Variants in PXMP4 observed in about 807,000 individuals in gnomAD.
The protein encoded by PXMP4 is peroxisomal membrane protein 4, also known as 24 kDa peroxisomal intrinsic membrane protein.
Under a neutral mutation model 21.6 loss-of-function variants are expected in PXMP4, and 16 were observed. That is an observed-to-expected ratio of 0.74 (90% CI 0.50 to 1.13). The LOEUF is 1.13. Among genes scored for constraint, PXMP4 ranks in the 50% most tolerant of loss-of-function variants. The pLI, the probability that PXMP4 is intolerant of heterozygous loss-of-function variation, is 0.00. For synonymous variants in PXMP4, 127 were observed against 123.8 expected (o/e 1.03, Z -0.17); for missense variants, 240 against 277.7 (o/e 0.86, Z 0.96).
At position 33,707,663 on chromosome 20, in the gene PXMP4, T is replaced by A; in HGVS notation, c.*43A>T. On this transcript the variant is annotated 3_prime_UTR_variant, in exon 4 of 4. Coordinates refer to ENST00000409299, the MANE Select transcript of PXMP4 (RefSeq NM_007238.5). ...GCAGTATCCTTTGGGAGGGTCTGCA[T>A]GGGGCCAAATCTTGAGCCACAGCCA... 6.3e-7 allele frequency: 1 copy of A among 1,599,708 alleles called. No individual in the cohort carries two copies.
Position 33,710,732 on chromosome 20 carries a change from G to A in PXMP4, c.198C>T (p.Ala66=), listed in dbSNP as rs2018317905. The A allele has an allele frequency of 1.9e-6, 3 of 1,610,396 alleles. No individual in the cohort carries two copies. The highest frequency in any genetic ancestry group is 2.2e-5 in the East Asian group (1 of 44,802). ...RNGSLQEKLW[A]ILQATYIHSW... ...AGTGGATATATGTGGCCTGCAGTAT[G>A]GCCCACAGCTTCTCCTGGAGGCTGC... Residue 66 remains alanine (A), a synonymous_variant, in exon 3 of 4, where the codon GCC becomes GCT. Coordinates refer to ENST00000409299, the MANE Select transcript of PXMP4 (RefSeq NM_007238.5).
At position 33,707,457 on chromosome 20, in the gene PXMP4, C is replaced by T. The variant is rs1640496969; in HGVS notation, c.*249G>A. 1.2e-5 allele frequency: 6 copies of T among 509,096 alleles called. No individual in the cohort carries two copies. The highest frequency in any genetic ancestry group is 6.9e-5 in the South Asian group (3 of 43,564). The allele number at this position is 509,096 out of a possible 1,614,324, so 31.5% of individuals were successfully genotyped here. On this transcript the variant is annotated 3_prime_UTR_variant, in exon 4 of 4. Coordinates refer to ENST00000409299, the MANE Select transcript of PXMP4 (RefSeq NM_007238.5). Reference sequence around the variant, plus strand: ...AGGCCTAGAGAGTAGTGTGGCTGGCCCCAGTCTCACAGAAGTCAGCTGCAC... The same window carrying T: ...AGGCCTAGAGAGTAGTGTGGCTGGCTCCAGTCTCACAGAAGTCAGCTGCAC...
chr20:33,720,233 G>T lies in PXMP4; in HGVS notation c.-26C>A, dbSNP rs750433333. ...AGTGCGGGCTGCGCGCAGGGTCGGG[G>T]TTAGGAACTGTAAGCGCACTGACAG... On this transcript the variant is annotated 5_prime_UTR_variant, in exon 1 of 4. Coordinates refer to ENST00000409299, the MANE Select transcript of PXMP4 (RefSeq NM_007238.5). The T allele has an allele frequency of 1.3e-6, 2 of 1,585,200 alleles. No individual in the cohort carries two copies. Among genetic ancestry groups the T allele is most frequent in the Non-Finnish European group, 1.7e-6 (2 of 1,163,928 alleles).
In PXMP4 at chr20:33,707,883, G is replaced by T; in HGVS notation, c.462C>A (p.Asp154Glu). ...CCACCGCAGTGAGCAGCGGGAACGG[G>T]TCCCACCTGGGTTCAGGGATGTAGC... Reference protein sequence around the residue: ...EKGYIPEPRWDPFPLLTAVVW... With the variant: ...EKGYIPEPRWEPFPLLTAVVW... Residue 154 changes from aspartate to glutamate, a missense_variant, in exon 4 of 4, where the codon GAC becomes GAA. Coordinates refer to ENST00000409299, the MANE Select transcript of PXMP4 (RefSeq NM_007238.5). The T allele has an allele frequency of 6.2e-7, 1 of 1,614,128 alleles. No individual in the cohort carries two copies. Among genetic ancestry groups the T allele is most frequent in the Non-Finnish European group, 8.5e-7 (1 of 1,180,036 alleles).
At chr20:33,716,111 T>C (rs2018381608) in intron 1 of PXMP4, among the ~76,000 whole-genome samples, 1 of 152,140 alleles carries the variant, frequency 6.6e-6, no homozygotes, top group African/African-American at 2.4e-5. Context: ...CCCAAAGTGC[T>C]GGGATTACAG....
intron 1 of PXMP4, among the ~76,000 whole-genome samples, chr20:33,717,639 CAAAAAA>C (rs10666719): frequency 3.5e-5 from 2 of 56,552 alleles, no homozygotes; most frequent in South Asian, 1.1e-3. Context: ...GACTCCGTCT[CAAAAAA>C]AAAAAAAAAA....
Position 33,720,285 on chromosome 20 carries a change from G to A in PXMP4, c.-78C>T. 2 of 1,318,422 alleles carry A rather than the reference G, an allele frequency of 1.5e-6. No homozygotes were observed. The highest frequency in any genetic ancestry group is 1.1e-6 in the Non-Finnish European group (1 of 946,700). The allele number at this position is 1,318,422 out of a possible 1,614,324, so 81.7% of individuals were successfully genotyped here. A position where few individuals can be genotyped will look rare whatever the true frequency, so the allele number is the denominator to read the frequency against. ...CGGAGGTTCCAGCTGCGCGCCCACA[G>A]CCCCTCGGTAGCGCCGCCGACTCGT... is the stretch of plus-strand genomic sequence containing the variant. On this transcript the variant is annotated 5_prime_UTR_variant, in exon 1 of 4. Coordinates refer to ENST00000409299, the MANE Select transcript of PXMP4 (RefSeq NM_007238.5).
Position 33,710,626 on chromosome 20 carries a change from C to T in PXMP4, c.304G>A (p.Ala102Thr). The change falls in exon 3 of 4, where the codon GCA becomes ACA. Residue 102 changes from alanine to threonine, a missense_variant. By Grantham distance (58) the Ala-to-Thr change is moderately conservative. Transcript: ENST00000409299. ...QSYIQGKTYP[A>T]HAFLAAFLGG... is the part of the protein sequence containing the mutation. ...AGGAAGGCCGCCAGGAATGCGTGTGCTGGGTAGGTCTTGCCTTGTATGTAG... is the reference window on the plus strand; with the variant it reads ...AGGAAGGCCGCCAGGAATGCGTGTGTTGGGTAGGTCTTGCCTTGTATGTAG... The T allele has an allele frequency of 6.2e-7, 1 of 1,613,936 alleles. No individual in the cohort carries two copies. The highest frequency in any genetic ancestry group is 8.5e-7 in the Non-Finnish European group (1 of 1,179,960).
At chr20:33,718,170 G>A (rs2018403562) in intron 1 of PXMP4, among the ~76,000 whole-genome samples, 1 of 151,950 alleles carries the variant, frequency 6.6e-6, no homozygotes, top group Non-Finnish European at 1.5e-5. Context: ...AAATATACAT[G>A]AATGTTCACT....
chr20:33,713,099 A>T (rs2018348221), intron 2 of PXMP4, among the ~76,000 whole-genome samples: 1 of 152,202 alleles, frequency 6.6e-6, no homozygotes, highest in Non-Finnish European at 1.5e-5. Flanking sequence ...GTTAACACAT[A>T]AGTCAAATAA....
Position 33,707,498 on chromosome 20 carries a change from G to A in PXMP4, c.*208C>T, listed in dbSNP as rs368818640. On this transcript the variant is annotated 3_prime_UTR_variant, in exon 4 of 4. Transcript: ENST00000409299. ...TCAGCTGCACAGCTGGAACCAAGCC[G>A]TAGATTCCTCAGCCTGATTCGGCCA... is the stretch of plus-strand genomic sequence containing the variant. The A allele has an allele frequency of 4.4e-5, 30 of 683,292 alleles. No individual in the cohort carries two copies. The highest frequency in any genetic ancestry group is 9.1e-5 in the African/African-American group (5 of 55,194). The allele number at this position is 683,292 out of a possible 1,614,324, so 42.3% of individuals were successfully genotyped here. A position where few individuals can be genotyped will look rare whatever the true frequency, so the allele number is the denominator to read the frequency against.
chr20:33,713,366 A>T (rs909474821), intron 2 of PXMP4, among the ~76,000 whole-genome samples: 2 of 151,906 alleles, frequency 1.3e-5, no homozygotes, highest in Admixed American at 6.6e-5. Context: ...CACCTGGACA[A>T]CTCTGTCTCC....
chr20:33,712,591 A>G (rs1601205996), intron 2 of PXMP4, among the ~76,000 whole-genome samples: 1 of 152,170 alleles, frequency 6.6e-6, no homozygotes, highest in East Asian at 1.9e-4. Context: ...CTGGGACTAC[A>G]GGTGTGCAAC....
chr20:33,711,935 T>A (rs1199923036), intron 2 of PXMP4, among the ~76,000 whole-genome samples: 1 of 149,984 alleles, frequency 6.7e-6, no homozygotes, highest in African/African-American at 2.5e-5. Flanking sequence ...ACTGTGATTG[T>A]GCCACAGCAC....
chr20:33,704,427 A>T lies in PXMP4; in HGVS notation c.*3279T>A, dbSNP rs541157954. On this transcript the variant is annotated 3_prime_UTR_variant, in exon 4 of 4. Coordinates refer to ENST00000409299, the MANE Select transcript of PXMP4 (RefSeq NM_007238.5). ...TGTGAGCAGTGGGGAGTGGCTGTAC[A>T]TACAGATGAAGCTTCGCTAGCTCAC... The T allele has an allele frequency of 1.3e-5, 2 of 152,268 alleles. No homozygotes were observed. Among genetic ancestry groups the T allele is most frequent in the Non-Finnish European group, 2.9e-5 (2 of 68,084 alleles). 9.4% of individuals were successfully genotyped at this position (152,268 alleles called of 1,614,324 possible). A position where few individuals can be genotyped will look rare whatever the true frequency, so the allele number is the denominator to read the frequency against.
At chr20:33,713,390 T>G (rs1470255795) in intron 2 of PXMP4, among the ~76,000 whole-genome samples, 1 of 152,206 alleles carries the variant, frequency 6.6e-6, no homozygotes, top group Admixed American at 6.5e-5. Context: ...AAGTCTTTAC[T>G]CCAATGTCAC....
At chr20:33,711,039 G>A (rs1024733562) in intron 2 of PXMP4, among the ~76,000 whole-genome samples, 9 of 152,176 alleles carry the variant, frequency 5.9e-5, no homozygotes, top group Non-Finnish European at 1.0e-4. Flanking sequence ...ACATTTATGT[G>A]CTTGTTTATT....
rs1226005006 is a variant in PXMP4 at position 33,704,465 on chromosome 20, T to A, written c.*3241A>T. Reference sequence around the variant, plus strand: ...TTCGCTAGCTCACCCACCTTTCAACTCCTGCTGCGTGGCCTGGTTCCGAAC... The same window carrying A: ...TTCGCTAGCTCACCCACCTTTCAACACCTGCTGCGTGGCCTGGTTCCGAAC... On this transcript the variant is annotated 3_prime_UTR_variant, in exon 4 of 4. Coordinates refer to ENST00000409299, the MANE Select transcript of PXMP4 (RefSeq NM_007238.5). 3 of 152,240 alleles carry A rather than the reference T, an allele frequency of 2.0e-5. No homozygotes were observed. Among genetic ancestry groups the A allele is most frequent in the East Asian group, 1.9e-4 (1 of 5,200 alleles). 9.4% of individuals were successfully genotyped at this position (152,240 alleles called of 1,614,324 possible).
chr20:33,710,854 T>A, intron 2 of PXMP4, 101 bp from the exon 3 acceptor site: 1 of 1,181,508 alleles, frequency 8.5e-7, no homozygotes, highest in Non-Finnish European at 1.2e-6. Flanking sequence ...GAGCTCGGAG[T>A]AATGCTCATT....
Sources: gnomAD v4.1 joint callset for allele counts (sites outside exome capture counted in the v4.1 genomes callset) on GRCh38, gnomAD v4.1.1 for gene constraint, MANE v1.5 for transcripts, NCBI Gene and HGNC (gene_info 2026-07-23, HGNC 2026-07-21) for gene names.